Variants in NOP9 observed in about 807,000 individuals in gnomAD.
NOP9 encodes the protein NOP9 nucleolar protein.
A neutral mutation model predicts 63.0 loss-of-function variants in NOP9; 50 were observed. The observed-to-expected ratio is 0.79, with a 90% CI of 0.63 to 1.00. NOP9 has a LOEUF of 1.00. NOP9 is among the 50% of genes least tolerant of loss of function. The pLI is 0.00. For synonymous variants in NOP9, 343 were observed against 332.8 expected, an observed-to-expected ratio of 1.03 and a Z score of -0.33; for missense variants, 758 against 803.0, an observed-to-expected ratio of 0.94 and a Z score of 0.68.
At chr14:24,293,839 A>T in the NOP9 span, 1 of 152,196 alleles carries the variant, frequency 6.6e-6, no homozygotes, top group African/African-American at 2.4e-5. Flanking sequence ...ATAAAATAAA[A>T]TAAATTAAAA....
Position 24,305,548 on chromosome 14 carries a change from G to A in NOP9, c.*453G>A. On this transcript the variant is annotated 3_prime_UTR_variant, in exon 10 of 10. Coordinates refer to ENST00000267425, the MANE Select transcript of NOP9 (RefSeq NM_174913.3). ...TTGGGTGGGTTATCTAGCCTGTACT[G>A]TCTGCAGGTCCTGAAATTTGATGCT... The A allele has an allele frequency of 6.6e-7, 1 of 1,522,374 alleles. No individual in the cohort carries two copies. The highest frequency in any genetic ancestry group is 1.3e-5 in the South Asian group (1 of 78,366). 94.3% of individuals were successfully genotyped at this position (1,522,374 alleles called of 1,614,324 possible).
At chr14:24,278,647 G>A in the NOP9 span, among the ~76,000 whole-genome samples, 1 of 152,348 alleles carries the variant, frequency 6.6e-6, no homozygotes, top group African/African-American at 2.4e-5. Context: ...AATAACGATA[G>A]TGTATGAAGA....
chr14:24,275,985 A>G, the NOP9 span, among the ~76,000 whole-genome samples: 1 of 152,252 alleles, frequency 6.6e-6, no homozygotes, highest in Non-Finnish European at 1.5e-5. Context: ...CACGGTTGAC[A>G]GTAGCCCCAT....
At chr14:24,303,929 C>T in intron 7 of NOP9, 72 bp downstream of exon 7, 1 of 1,597,964 alleles carries the variant, frequency 6.3e-7, no homozygotes, top group South Asian at 1.1e-5. Flanking sequence ...AAGCGTCTGA[C>T]TTCTGAGGTG....
At chr14:24,294,449 C>G in the NOP9 span, 2 of 151,994 alleles carry the variant, frequency 1.3e-5, no homozygotes, top group Non-Finnish European at 2.9e-5. Context: ...ATTAGCCAGG[C>G]GTGGTGGCAG....
chr14:24,275,323 C>T, the NOP9 span, among the ~76,000 whole-genome samples: 1 of 152,216 alleles, frequency 6.6e-6, no homozygotes, highest in African/African-American at 2.4e-5. Flanking sequence ...ATTTACTGCA[C>T]TCACTACCTA....
In NOP9 at chr14:24,307,781, C is replaced by G. The variant is rs779343998; in HGVS notation, c.*2686C>G. 2 of 1,573,544 alleles carry G rather than the reference C, an allele frequency of 1.3e-6. No homozygotes were observed. Among genetic ancestry groups the G allele is most frequent in the Middle Eastern group, 1.7e-4 (1 of 6,014 alleles). ...AGTATTGTTGCCCTGCCTATATCCCCTAAAGGTGGAGGGTAGAGCGGAGGG... is the reference window on the plus strand; with the variant it reads ...AGTATTGTTGCCCTGCCTATATCCCGTAAAGGTGGAGGGTAGAGCGGAGGG... On this transcript the variant is annotated 3_prime_UTR_variant, in exon 10 of 10. Coordinates refer to ENST00000267425, the MANE Select transcript of NOP9 (RefSeq NM_174913.3).
chr14:24,305,096 G>C lies in NOP9; in HGVS notation c.*1G>C. Reference sequence around the variant, plus strand: ...ATTGAACTCCATACTTGAAGACTGAGGCTTTGGATCTGGGACTGGGTGTTG... The same window carrying C: ...ATTGAACTCCATACTTGAAGACTGACGCTTTGGATCTGGGACTGGGTGTTG... On this transcript the variant is annotated 3_prime_UTR_variant, in exon 10 of 10. Coordinates refer to ENST00000267425, the MANE Select transcript of NOP9 (RefSeq NM_174913.3). 1 of 1,500,560 alleles carries C rather than the reference G, an allele frequency of 6.7e-7. No homozygotes were observed. The highest frequency in any genetic ancestry group is 8.9e-7 in the Non-Finnish European group (1 of 1,118,904). 93.0% of individuals were successfully genotyped at this position (1,500,560 alleles called of 1,614,324 possible). A position where few individuals can be genotyped will look rare whatever the true frequency, so the allele number is the denominator to read the frequency against.
chr14:24,307,233 C>T lies in NOP9; in HGVS notation c.*2138C>T. ...ACAAATTGACCAGAGCTCATTAGGC[C>T]CACTCCGCTGCTTTTAGCCCTCAGA... On this transcript the variant is annotated 3_prime_UTR_variant, in exon 10 of 10. Coordinates refer to ENST00000267425, the MANE Select transcript of NOP9 (RefSeq NM_174913.3). 1 of 915,772 alleles carries T rather than the reference C, an allele frequency of 1.1e-6. No homozygotes were observed. 56.7% of individuals were successfully genotyped at this position (915,772 alleles called of 1,614,324 possible). A position where few individuals can be genotyped will look rare whatever the true frequency, so the allele number is the denominator to read the frequency against.
rs1456952160 is a variant in NOP9 at position 24,300,796 on chromosome 14, G to C, written c.636G>C (p.Gln212His). ...GCTTCGTGGTCAGAACTCTGCTTCA[G>C]GTGTTAGGAGGGACTATTCTGGAGT... The part of the protein sequence containing the change: ...HGSFVVRTLL[Q>H]VLGGTILESE... The change falls in exon 2 of 10, where the codon CAG becomes CAC. Residue 212 changes from glutamine (Q) to histidine (H), a missense_variant. Physicochemically the swap from Gln to His is conservative, Grantham distance 24 (BLOSUM62 0). Coordinates refer to ENST00000267425, the MANE Select transcript of NOP9 (RefSeq NM_174913.3). 1 of 1,614,234 alleles carries C rather than the reference G, an allele frequency of 6.2e-7. No homozygotes were observed. Among genetic ancestry groups the C allele is most frequent in the Non-Finnish European group, 8.5e-7 (1 of 1,180,042 alleles).
At chr14:24,298,811 G>A, upstream of NOP9, 1 of 1,033,082 alleles carries the variant, frequency 9.7e-7, no homozygotes, top group African/African-American at 1.7e-5. Context: ...AGTTATTTAC[G>A]GGGTTTTTAA....
At position 24,305,750 on chromosome 14, in the gene NOP9, C is replaced by T; in HGVS notation, c.*655C>T. 6.2e-7 allele frequency: 1 copy of T among 1,613,512 alleles called. No homozygotes were observed. Among genetic ancestry groups the T allele is most frequent in the East Asian group, 2.2e-5 (1 of 44,862 alleles). On this transcript the variant is annotated 3_prime_UTR_variant, in exon 10 of 10. Transcript: ENST00000267425. ...CCAGGCCTTGCAGCAGTGTGGAGGTCCAACGAAGGAGCTCCCTGAATGGCA... is the reference window on the plus strand; with the variant it reads ...CCAGGCCTTGCAGCAGTGTGGAGGTTCAACGAAGGAGCTCCCTGAATGGCA...
In NOP9 at chr14:24,306,789, T is replaced by C; in HGVS notation, c.*1694T>C. 4.0e-6 allele frequency: 2 copies of C among 500,180 alleles called. No individual in the cohort carries two copies. The highest frequency in any genetic ancestry group is 2.3e-5 in the South Asian group (1 of 42,928). The allele number at this position is 500,180 out of a possible 1,614,324, so 31.0% of individuals were successfully genotyped here. ...CCTCCAAGTCACTTCTGGTTTGGAA[T>C]TGGAAAGCAAGCCAGGTTCTCACGA... is the stretch of plus-strand genomic sequence containing the variant. On this transcript the variant is annotated 3_prime_UTR_variant, in exon 10 of 10. Coordinates refer to ENST00000267425, the MANE Select transcript of NOP9 (RefSeq NM_174913.3).
upstream of NOP9, among the ~76,000 whole-genome samples, chr14:24,295,792 G>A (rs2041239154): frequency 6.6e-6 from 1 of 152,166 alleles, no homozygotes; most frequent in South Asian, 2.1e-4. Context: ...CCTTGGGATT[G>A]TTACCAGAGT....
intron 9 of NOP9, 133 bp downstream of exon 9, chr14:24,304,731 G>A: frequency 1.1e-6 from 1 of 904,470 alleles, no homozygotes; most frequent in East Asian, 2.7e-5. Context: ...TGGGTTCTTA[G>A]CAGTCTGCTT....
At position 24,300,786 on chromosome 14, in the gene NOP9, C is replaced by G. The variant is rs994075666; in HGVS notation, c.626C>G (p.Thr209Ser). 10 of 1,614,092 alleles carry G rather than the reference C, an allele frequency of 6.2e-6. No individual in the cohort carries two copies. The highest frequency in any genetic ancestry group is 6.8e-6 in the Non-Finnish European group (8 of 1,180,052). Residue 209 changes from threonine (T) to serine (S), a missense_variant, in exon 2 of 10, where the codon ACT (threonine) becomes AGT (serine). Transcript: ENST00000267425. ...ACACATGGCAGCTTCGTGGTCAGAA[C>G]TCTGCTTCAGGTGTTAGGAGGGACT... Reference protein sequence around the residue: ...GDTHGSFVVRTLLQVLGGTIL... With the variant: ...GDTHGSFVVRSLLQVLGGTIL...
Position 24,303,864 on chromosome 14 carries a change from T to C in NOP9, c.1410+7T>C, listed in dbSNP as rs767607524. The C allele has an allele frequency of 8.7e-6, 14 of 1,613,188 alleles. No individual in the cohort carries two copies. The highest frequency in any genetic ancestry group is 1.2e-5 in the Non-Finnish European group (14 of 1,179,524). ...AGTGCCTGCAGAGCACCAGGTGAGG[T>C]AGGGGAGAGGCCAAGCCAGTGACTA... On this transcript the variant is annotated splice_region_variant and intron_variant, in intron 7 of 9. Transcript: ENST00000267425.
At chr14:24,286,663 A>T in the NOP9 span, among the ~76,000 whole-genome samples, 2 of 148,172 alleles carry the variant, frequency 1.3e-5, no homozygotes, top group African/African-American at 2.5e-5. Context: ...CACGATCTCG[A>T]CTCACTGCAA....
upstream of NOP9, chr14:24,298,764 TA>T: frequency 2.7e-6 from 2 of 747,478 alleles, no homozygotes; most frequent in Non-Finnish European, 4.0e-6. Flanking sequence ...AGTTTTTTCA[TA>T]AAACTCACTT....
Sources: gnomAD v4.1 joint callset for allele counts (sites outside exome capture counted in the v4.1 genomes callset) on GRCh38, gnomAD v4.1.1 for gene constraint, MANE v1.5 for transcripts, NCBI Gene and HGNC (gene_info 2026-07-23, HGNC 2026-07-21) for gene names.